The following ZNF676 variants were observed in gnomAD, a reference collection of about 807,000 sequenced individuals.
The protein encoded by ZNF676 is zinc finger protein 676.
A neutral mutation model predicts 6.0 loss-of-function variants in ZNF676; 4 were observed. That is an observed-to-expected ratio of 0.67 (90% CI 0.33 to 1.53). The LOEUF (loss-of-function observed/expected upper bound fraction) is 1.53. Among genes scored for constraint, ZNF676 ranks in the 40% most tolerant of loss-of-function variants. The probability of loss-of-function intolerance (pLI) is 0.06; values close to 1 mark genes in which losing one functional copy is unlikely to be tolerated. For missense variants in ZNF676, 644 were observed against 679.7 expected, an observed-to-expected ratio of 0.95 and a Z score of 0.58; for synonymous variants, 198 against 223.1, an observed-to-expected ratio of 0.89 and a Z score of 1.00.
upstream of ZNF676, among the ~76,000 whole-genome samples, chr19:22,216,775 C>A (rs566066583): frequency 4.0e-5 from 6 of 151,592 alleles, no homozygotes; most frequent in African/African-American, 1.5e-4. Context: ...AGGCGCCCAC[C>A]ACCACACCCA....
At chr19:22,189,295 C>T (rs2023874861) in intron 2 of ZNF676, among the ~76,000 whole-genome samples, 1 of 152,112 alleles carries the variant, frequency 6.6e-6, no homozygotes, top group Non-Finnish European at 1.5e-5. Context: ...AAAAAACTTG[C>T]TAGCCATATG....
chr19:22,190,630 C>CAT (rs74174059), intron 2 of ZNF676, among the ~76,000 whole-genome samples: 3,227 of 66,654 alleles, frequency 0.048, 122 homozygotes, highest in Non-Finnish European at 0.068. Flanking sequence ...TAGAATGCAA[C>CAT]ATATATATAT....
chr19:22,203,769 T>A (rs1047640244), intron 1 of ZNF676: 1 of 152,148 alleles, frequency 6.6e-6, no homozygotes, highest in African/African-American at 2.4e-5. Flanking sequence ...TAATTCTGTA[T>A]TTTTGGTAGA....
chr19:22,232,444 G>A, the ZNF676 span, among the ~76,000 whole-genome samples: 1 of 152,072 alleles, frequency 6.6e-6, no homozygotes, highest in Non-Finnish European at 1.5e-5. Context: ...GGGAATACAG[G>A]CATGAGCCAC....
chr19:22,180,105 ATTC>A lies in ZNF676; in HGVS notation c.1609_1611del (p.Glu537del). 1 of 1,613,910 alleles carries A rather than the reference ATTC, an allele frequency of 6.2e-7. No homozygotes were observed. The highest frequency in any genetic ancestry group is 8.5e-7 in the Non-Finnish European group (1 of 1,179,968). ...GAGGATCTGCTGAAGGCTTTGCCAC[ATTC>A]TTCACATTTGTAGGGTTTCTCTCCA... On this transcript the variant is annotated inframe_deletion, in exon 3 of 3. Coordinates refer to ENST00000397121, the MANE Select transcript of ZNF676 (RefSeq NM_001001411.3).
the ZNF676 span, among the ~76,000 whole-genome samples, chr19:22,252,385 A>C: frequency 8.2e-6 from 1 of 122,258 alleles, no homozygotes; most frequent in Non-Finnish European, 1.7e-5. Context: ...ACAGAGTGAG[A>C]CTCTGTCTGA....
rs1372136698 is a variant in ZNF676 at position 22,180,629 on chromosome 19, T to G, written c.1088A>C (p.Lys363Thr). 1 of 1,613,074 alleles carries G rather than the reference T, an allele frequency of 6.2e-7. No homozygotes were observed. The highest frequency in any genetic ancestry group is 8.5e-7 in the Non-Finnish European group (1 of 1,179,528). The change falls in exon 3 of 3, where the codon AAA becomes ACA. Residue 363 changes from lysine (K) to threonine (T), a missense_variant. Lys to Thr is a moderately conservative substitution (Grantham distance 78). Around this residue, in one of 5 missense-constraint regions of ZNF676, gnomAD observed 306 missense variants for 265.4 expected, o/e 1.15. Coordinates refer to ENST00000397121, the MANE Select transcript of ZNF676 (RefSeq NM_001001411.3). Reference sequence around the variant, plus strand: ...GCCACATCCTTCACATTTGTAGGGTTTCTCTCCAGTATGAATAATCTTATG... The same window carrying G: ...GCCACATCCTTCACATTTGTAGGGTGTCTCTCCAGTATGAATAATCTTATG... ...TKHKIIHTGE[K>T]PYKCEGCGKA...
At chr19:22,258,384 C>A in the ZNF676 span, among the ~76,000 whole-genome samples, 1 of 152,010 alleles carries the variant, frequency 6.6e-6, no homozygotes, top group South Asian at 2.1e-4. Flanking sequence ...AGAGCAGGAC[C>A]AAGGAAAGAG....
chr19:22,256,647 T>C, the ZNF676 span, among the ~76,000 whole-genome samples: 1 of 152,090 alleles, frequency 6.6e-6, no homozygotes, highest in Non-Finnish European at 1.5e-5. Context: ...CTATCCCCTA[T>C]GTGTTGAGTC....
chr19:22,197,312 C>T (rs1411296958), upstream of ZNF676, among the ~76,000 whole-genome samples: 4 of 141,340 alleles, frequency 2.8e-5, no homozygotes, highest in Admixed American at 7.1e-5. Context: ...GAGTGAAACT[C>T]CATCTCAAAA....
At chr19:22,191,477 A>G (rs2023905653) in intron 2 of ZNF676, among the ~76,000 whole-genome samples, 1 of 152,122 alleles carries the variant, frequency 6.6e-6, no homozygotes, top group African/African-American at 2.4e-5. Flanking sequence ...TGTCGTCCCA[A>G]TAGCAGTTCC....
intron 1 of ZNF676, among the ~76,000 whole-genome samples, chr19:22,194,712 A>G (rs1380365359): frequency 1.3e-5 from 2 of 152,042 alleles, no homozygotes; most frequent in Admixed American, 1.3e-4. Flanking sequence ...AAATTTCATC[A>G]TAATAACACC....
At chr19:22,240,982 A>C in the ZNF676 span, among the ~76,000 whole-genome samples, 3 of 151,990 alleles carry the variant, frequency 2.0e-5, no homozygotes, top group African/African-American at 7.3e-5. Flanking sequence ...TGGACAGTGC[A>C]ATATGTCAAA....
the ZNF676 span, among the ~76,000 whole-genome samples, chr19:22,248,790 C>G: frequency 3.9e-5 from 6 of 152,104 alleles, no homozygotes; most frequent in Non-Finnish European, 8.8e-5. Flanking sequence ...AGTGCCATGG[C>G]GCATTCTTGG....
intron 2 of ZNF676, among the ~76,000 whole-genome samples, chr19:22,182,767 C>A (rs542949415): frequency 6.6e-6 from 1 of 151,198 alleles, no homozygotes; most frequent in East Asian, 1.9e-4. Context: ...GTAGTTCTTA[C>A]CACTGAAAAT....
At chr19:22,248,610 C>T in the ZNF676 span, among the ~76,000 whole-genome samples, 3 of 152,204 alleles carry the variant, frequency 2.0e-5, no homozygotes, top group Non-Finnish European at 2.9e-5. Context: ...CTTTCACTGG[C>T]GTCCCTGAGC....
chr19:22,252,990 G>GT, the ZNF676 span, among the ~76,000 whole-genome samples: 4 of 152,164 alleles, frequency 2.6e-5, no homozygotes, highest in Admixed American at 6.5e-5. Flanking sequence ...ACCACCTCCT[G>GT]TATGTTGGGT....
intron 1 of ZNF676, among the ~76,000 whole-genome samples, chr19:22,209,857 G>A (rs2024112857): frequency 6.6e-6 from 1 of 152,136 alleles, no homozygotes; most frequent in African/African-American, 2.4e-5. Context: ...TATGCCAGGA[G>A]ACTTGTAGAC....
the ZNF676 span, among the ~76,000 whole-genome samples, chr19:22,237,839 T>A: frequency 1.3e-5 from 2 of 152,264 alleles, no homozygotes; most frequent in African/African-American, 4.8e-5. Flanking sequence ...AGGGTCCCAT[T>A]CTTTTCCAAT....
Sources: gnomAD v4.1 joint callset for allele counts (sites outside exome capture counted in the v4.1 genomes callset) on GRCh38, gnomAD v4.1.1 for gene constraint, gnomAD v4.1.1 regional missense constraint, MANE v1.5 for transcripts, NCBI Gene and HGNC (gene_info 2026-07-23, HGNC 2026-07-21) for gene names.